The following AAGAB variants were observed in gnomAD, a reference collection of about 807,000 sequenced individuals.
The protein encoded by AAGAB is alpha- and gamma-adaptin-binding protein p34.
A neutral mutation model predicts 44.1 loss-of-function variants in AAGAB; 38 were observed. The observed-to-expected ratio is 0.86, with a 90% CI of 0.67 to 1.13. The LOEUF is 1.13. AAGAB is among the 50% of genes most tolerant of loss of function. AAGAB has a pLI of 0.00. For synonymous variants in AAGAB, 131 were observed against 131.8 expected (o/e 0.99, Z 0.04); for missense variants, 450 against 373.8 (o/e 1.20, Z -1.68).
At chr15:67,246,924 G>A (rs1416558500) in intron 1 of AAGAB, among the ~76,000 whole-genome samples, 40 of 152,198 alleles carry the variant, frequency 2.6e-4, no homozygotes, top group African/African-American at 2.2e-4. Context: ...GCAGCAACCC[G>A]TTCGGGTCCC....
intron 1 of AAGAB, among the ~76,000 whole-genome samples, chr15:67,252,874 T>A (rs1340485999): frequency 6.6e-6 from 1 of 152,214 alleles, no homozygotes; most frequent in Non-Finnish European, 1.5e-5. Flanking sequence ...ATTCTGTCAT[T>A]TGACAGGTGT....
rs1384429702 is a variant in AAGAB at position 67,254,598 on chromosome 15, T to G, written c.34A>C (p.Ser12Arg). The G allele has an allele frequency of 1.2e-6, 2 of 1,609,438 alleles. No homozygotes were observed. Among genetic ancestry groups the G allele is most frequent in the Non-Finnish European group, 1.7e-6 (2 of 1,179,010 alleles). Residue 12 changes from serine (S) to arginine (R), a missense_variant, in exon 1 of 10, where the codon AGC (serine) becomes CGC (arginine). Ser to Arg is a moderately radical substitution (Grantham distance 110). Coordinates refer to ENST00000261880, the MANE Select transcript of AAGAB (RefSeq NM_024666.5). ...AAGVPCALVT[S>R]CSSVFSGDQL... ...TCTCCTGAGAAGACGGAGGAGCAGC[T>G]GGTGACTAACGCACAGGGTACGCCA...
upstream of AAGAB, chr15:67,254,868 C>G (rs752444584): frequency 4.8e-5 from 78 of 1,610,492 alleles, no homozygotes; most frequent in Non-Finnish European, 5.8e-5. Context: ...ACCGCGCCTC[C>G]GCGGAGGTAG....
chr15:67,205,217 A>G (rs1271766667), intron 7 of AAGAB, among the ~76,000 whole-genome samples: 14 of 152,238 alleles, frequency 9.2e-5, no homozygotes, highest in South Asian at 2.1e-4. Context: ...TCCTATCTCT[A>G]TATTTTTAGA....
intron 1 of AAGAB, among the ~76,000 whole-genome samples, chr15:67,244,810 AT>A (rs1192621867): frequency 1.3e-5 from 2 of 152,168 alleles, no homozygotes; most frequent in Non-Finnish European, 2.9e-5. Context: ...TCTTAAAAAA[AT>A]AAAATAGTTA....
intron 1 of AAGAB, among the ~76,000 whole-genome samples, chr15:67,250,026 G>A (rs1964825026): frequency 6.6e-6 from 1 of 152,228 alleles, no homozygotes; most frequent in Non-Finnish European, 1.5e-5. Flanking sequence ...TACAGTTGCT[G>A]AGTTGGCATT....
At chr15:67,209,675 C>G in intron 5 of AAGAB, 131 bp from the exon 6 acceptor site, 1 of 718,298 alleles carries the variant, frequency 1.4e-6, no homozygotes, top group Non-Finnish European at 2.3e-6. Flanking sequence ...ATTTTTGAGA[C>G]AGGGTCTCAC....
intron 1 of AAGAB, among the ~76,000 whole-genome samples, chr15:67,237,052 T>C (rs901562787): frequency 1.3e-5 from 2 of 152,030 alleles, no homozygotes; most frequent in African/African-American, 4.8e-5. Context: ...AACACAAAAA[T>C]CATTGTGAAC....
At position 67,201,721 on chromosome 15, in the gene AAGAB, T is replaced by G. The variant is rs1963574501; in HGVS notation, c.*1100A>C. ...TTTGCAGTACTTTCCACTCTTCCTT[T>G]AAAAACTTGCCATTTGCTTATCAGT... On this transcript the variant is annotated 3_prime_UTR_variant, in exon 10 of 10. Transcript: ENST00000261880. The G allele has an allele frequency of 6.6e-6, 1 of 152,328 alleles. No individual in the cohort carries two copies. Among genetic ancestry groups the G allele is most frequent in the Non-Finnish European group, 1.5e-5 (1 of 68,046 alleles). The allele number at this position is 152,328 out of a possible 1,614,324, so 9.4% of individuals were successfully genotyped here. A position where few individuals can be genotyped will look rare whatever the true frequency, so the allele number is the denominator to read the frequency against.
intron 1 of AAGAB, among the ~76,000 whole-genome samples, chr15:67,251,987 C>G (rs1964883026): frequency 6.6e-6 from 1 of 152,160 alleles, no homozygotes; most frequent in Non-Finnish European, 1.5e-5. Flanking sequence ...AGCTGTTCTT[C>G]TTTTATTTTT....
chr15:67,241,040 T>TGCACACACAC (rs1555420145), intron 1 of AAGAB, among the ~76,000 whole-genome samples: 2 of 147,076 alleles, frequency 1.4e-5, no homozygotes, highest in Non-Finnish European at 3.0e-5. Flanking sequence ...TCTGTTCTCC[T>TGCACACACAC]ACACACACAC....
At chr15:67,228,685 C>G (rs1324348078) in intron 5 of AAGAB, among the ~76,000 whole-genome samples, 2 of 152,136 alleles carry the variant, frequency 1.3e-5, no homozygotes, top group Non-Finnish European at 2.9e-5. Flanking sequence ...GTATGTTCAT[C>G]ACAGCACTAT....
chr15:67,222,242 GCACACACACACA>G (rs370826027), intron 5 of AAGAB, among the ~76,000 whole-genome samples: 5 of 90,128 alleles, frequency 5.5e-5, no homozygotes, highest in Admixed American at 1.4e-4. Flanking sequence ...GCGCGCGCGC[GCACACACACACA>G]CACACACACA....
intron 1 of AAGAB, among the ~76,000 whole-genome samples, chr15:67,237,134 A>C (rs1964489835): frequency 6.6e-6 from 1 of 152,222 alleles, no homozygotes; most frequent in Non-Finnish European, 1.5e-5. Context: ...TAGAAGACAA[A>C]GAATGACAGC....
chr15:67,231,746 A>G, intron 5 of AAGAB, 68 bp downstream of exon 5: 1 of 1,254,646 alleles, frequency 8.0e-7, no homozygotes, highest in South Asian at 1.2e-5. Context: ...GGTTCCACAT[A>G]TATCTCAATA....
intron 1 of AAGAB, among the ~76,000 whole-genome samples, chr15:67,243,345 A>G (rs1166189253): frequency 1.3e-5 from 2 of 152,192 alleles, no homozygotes; most frequent in African/African-American, 2.4e-5. Flanking sequence ...TGTCAATCCT[A>G]GTGTCACATC....
intron 5 of AAGAB, among the ~76,000 whole-genome samples, chr15:67,222,585 C>CT (rs2140361761): frequency 6.6e-6 from 1 of 152,220 alleles, no homozygotes; most frequent in African/African-American, 2.4e-5. Context: ...CACAAACCCC[C>CT]TTTCCCATGT....
chr15:67,220,491 T>C (rs866903182), intron 5 of AAGAB: 1 of 152,240 alleles, frequency 6.6e-6, no homozygotes, highest in Non-Finnish European at 1.5e-5. Context: ...AAACTCACTG[T>C]GTGAATATGA....
At chr15:67,221,325 C>T (rs1162882012) in intron 5 of AAGAB, 3 of 152,182 alleles carry the variant, frequency 2.0e-5, no homozygotes. Flanking sequence ...AATACATATC[C>T]TTTCCTTGTT....
Sources: gnomAD v4.1 joint callset for allele counts (sites outside exome capture counted in the v4.1 genomes callset) on GRCh38, gnomAD v4.1.1 for gene constraint, MANE v1.5 for transcripts, NCBI Gene and HGNC (gene_info 2026-07-23, HGNC 2026-07-21) for gene names.